Variants in PKHD1L1 observed in about 807,000 individuals in gnomAD.
PKHD1L1 encodes fibrocystin-L.
A neutral mutation model predicts 462.9 loss-of-function variants in PKHD1L1; 434 were observed. The observed-to-expected ratio is 0.94, with a 90% CI of 0.87 to 1.02. The LOEUF is 1.02. PKHD1L1 is among the 50% of genes least tolerant of loss of function. The pLI is 0.00. For synonymous variants in PKHD1L1, 1,781 were observed against 1,750.0 expected (o/e 1.02, Z -0.44); for missense variants, 5,202 against 5,096.1 (o/e 1.02, Z -0.63).
intron 9 of PKHD1L1, among the ~76,000 whole-genome samples, chr8:109,393,209 A>G (rs1012638864): frequency 1.9e-4 from 29 of 151,342 alleles, no homozygotes; most frequent in Non-Finnish European, 3.5e-4. Context: ...ATTTCCAGAG[A>G]CTCTTTAGTC....
In PKHD1L1 at chr8:109,491,920, G is replaced by A; in HGVS notation, c.10162G>A (p.Ala3388Thr). ...NANRVRGNLI[A>T]LSVWPGTYQN... ...CAACCGAGTCCGAGGGAATTTGATT[G>A]CACTTTCGGTTTGGCCAGGAACCTA... Residue 3388 changes from alanine to threonine, a missense_variant, in exon 62 of 78, where the codon GCA becomes ACA. By Grantham distance (58) the Ala-to-Thr change is moderately conservative. This residue lies in a region of PKHD1L1 where 4,497 missense variants were observed against 4,336.8 expected (regional missense o/e 1.04). Coordinates refer to ENST00000378402, the MANE Select transcript of PKHD1L1 (RefSeq NM_177531.6). The A allele has an allele frequency of 3.1e-6, 5 of 1,604,256 alleles. No homozygotes were observed. The highest frequency in any genetic ancestry group is 4.3e-6 in the Non-Finnish European group (5 of 1,173,046).
chr8:109,512,786 C>A (rs1473271972), intron 71 of PKHD1L1, among the ~76,000 whole-genome samples: 51 of 151,942 alleles, frequency 3.4e-4, no homozygotes, highest in South Asian at 1.5e-3. Flanking sequence ...TTACCTTGGG[C>A]AGTATGGCCA....
rs918647347 is a variant in PKHD1L1 at position 109,450,914 on chromosome 8, T to C, written c.6176-61T>C. On this transcript the variant is annotated intron_variant, in intron 40 of 77. Transcript: ENST00000378402. ...AGATGTTATTGAAAATGTTTGGAGG[T>C]TTTGGAAATGAATCAGGGCCCGATG... The C allele has an allele frequency of 8.1e-6, 12 of 1,474,636 alleles. No homozygotes were observed. In the African/African-American group the frequency reaches 1.7e-4, roughly 21 times the overall value. The allele number at this position is 1,474,636 out of a possible 1,614,324, so 91.3% of individuals were successfully genotyped here.
Position 109,406,492 on chromosome 8 carries a change from T to G in PKHD1L1, c.1813+14T>G. The G allele has an allele frequency of 1.9e-6, 3 of 1,581,954 alleles. No individual in the cohort carries two copies. Among genetic ancestry groups the G allele is most frequent in the Non-Finnish European group, 2.6e-6 (3 of 1,164,842 alleles). ...TATCAACTAGAGGTAAGCATGTACT[T>G]AATTTTGTACTTCTGTAGGAAACAA... On this transcript the variant is annotated intron_variant, in intron 17 of 77. Coordinates refer to ENST00000378402, the MANE Select transcript of PKHD1L1 (RefSeq NM_177531.6).
chr8:109,368,846 A>T (rs1811354358), intron 2 of PKHD1L1, among the ~76,000 whole-genome samples: 2 of 152,094 alleles, frequency 1.3e-5, no homozygotes, highest in South Asian at 4.1e-4. Context: ...AAAATACATC[A>T]ACATGTCAGG....
At chr8:109,384,425 C>T (rs1812328024) in intron 5 of PKHD1L1, among the ~76,000 whole-genome samples, 1 of 151,904 alleles carries the variant, frequency 6.6e-6, no homozygotes, top group Admixed American at 6.6e-5. Context: ...CACCTTTAGT[C>T]CCAGCTACTC....
At chr8:109,449,106 A>G (rs1471871548) in intron 39 of PKHD1L1, among the ~76,000 whole-genome samples, 1 of 152,170 alleles carries the variant, frequency 6.6e-6, no homozygotes, top group Non-Finnish European at 1.5e-5. Context: ...GTTCCTCGAA[A>G]TAGTTCAAAT....
intron 15 of PKHD1L1, 37 bp downstream of exon 15, chr8:109,404,750 A>AT: frequency 6.5e-7 from 1 of 1,538,730 alleles, no homozygotes; most frequent in Non-Finnish European, 8.8e-7. Flanking sequence ...CAGAAAGTAA[A>AT]TGTTCGAAGG....
At chr8:109,505,764 G>C (rs1380797876) in intron 68 of PKHD1L1, among the ~76,000 whole-genome samples, 3 of 151,354 alleles carry the variant, frequency 2.0e-5, no homozygotes, top group Admixed American at 6.6e-5. Context: ...AATTAGCTGG[G>C]TGTGGTGGTG....
intron 50 of PKHD1L1, among the ~76,000 whole-genome samples, chr8:109,468,495 T>G (rs1817560628): frequency 6.6e-6 from 1 of 152,214 alleles, no homozygotes; most frequent in Non-Finnish European, 1.5e-5. Flanking sequence ...TTGTAAATAG[T>G]AAGTACTCAG....
At chr8:109,442,719 A>G (rs1469737687) in intron 35 of PKHD1L1, among the ~76,000 whole-genome samples, 2 of 152,156 alleles carry the variant, frequency 1.3e-5, no homozygotes, top group Admixed American at 1.3e-4. Flanking sequence ...ATGGTTTTCT[A>G]GAAAATCAAT....
intron 67 of PKHD1L1, among the ~76,000 whole-genome samples, chr8:109,502,586 T>G (rs1819481710): frequency 6.6e-6 from 1 of 152,200 alleles, no homozygotes; most frequent in Non-Finnish European, 1.5e-5. Flanking sequence ...AACCATCTCT[T>G]AAGTTGTAAG....
At position 109,498,637 on chromosome 8, in the gene PKHD1L1, T is replaced by C; in HGVS notation, c.10712-18T>C. 6.2e-7 allele frequency: 1 copy of C among 1,613,080 alleles called. No individual in the cohort carries two copies. The highest frequency in any genetic ancestry group is 8.5e-7 in the Non-Finnish European group (1 of 1,179,102). ...GTGCATATTCAATTTTCATTAACTT[T>C]TTCTTTTTTGGTAAAAGGTGGGAGA... On this transcript the variant is annotated intron_variant, in intron 66 of 77. Transcript: ENST00000378402.
Position 109,438,995 on chromosome 8 carries a change from T to G in PKHD1L1, c.3859T>G (p.Trp1287Gly). 1 of 1,613,762 alleles carries G rather than the reference T, an allele frequency of 6.2e-7. No homozygotes were observed. The highest frequency in any genetic ancestry group is 1.3e-5 in the African/African-American group (1 of 75,050). The change falls in exon 32 of 78, where the codon TGG (tryptophan) becomes GGG (glycine). Residue 1287 changes from tryptophan (W) to glycine (G), a missense_variant. This residue lies in a region of PKHD1L1 where 4,497 missense variants were observed against 4,336.8 expected (regional missense o/e 1.04). Transcript: ENST00000378402. ...AGGAAAAACCTGCCAGATTCTTCACTGGAACTTCACAGATATTAGATGCCT... is the reference window on the plus strand; with the variant it reads ...AGGAAAAACCTGCCAGATTCTTCACGGGAACTTCACAGATATTAGATGCCT... Reference protein sequence around the residue: ...VGGKTCQILHWNFTDIRCLLP... With the variant: ...VGGKTCQILHGNFTDIRCLLP...
At chr8:109,373,855 G>A (rs201577950) in intron 2 of PKHD1L1, among the ~76,000 whole-genome samples, 2 of 152,098 alleles carry the variant, frequency 1.3e-5, no homozygotes, top group East Asian at 3.9e-4. Flanking sequence ...TTTGATTGCA[G>A]TGTGGTCTGA....
intron 23 of PKHD1L1, among the ~76,000 whole-genome samples, chr8:109,424,104 C>A (rs558933353): frequency 6.6e-6 from 1 of 152,006 alleles, no homozygotes; most frequent in South Asian, 2.1e-4. Context: ...TTCCTTGAAC[C>A]GCTCTTCTTT....
chr8:109,471,495 GAC>G (rs572068471), intron 50 of PKHD1L1, among the ~76,000 whole-genome samples: 2 of 152,224 alleles, frequency 1.3e-5, no homozygotes, highest in Admixed American at 1.3e-4. Context: ...TTTTTTCTAA[GAC>G]ATTTTTCATT....
At chr8:109,406,561 GA>G (rs1813548540) in intron 17 of PKHD1L1, 83 bp downstream of exon 17, 1 of 1,373,988 alleles carries the variant, frequency 7.3e-7, no homozygotes, top group Non-Finnish European at 9.6e-7. Context: ...AGATGACAGA[GA>G]AAAAGACTTG....
intron 23 of PKHD1L1, among the ~76,000 whole-genome samples, chr8:109,422,443 A>T (rs1248141401): frequency 6.6e-6 from 1 of 152,230 alleles, no homozygotes; most frequent in African/African-American, 2.4e-5. Flanking sequence ...CAAGAATGCT[A>T]CAAAAATGGA....
Sources: gnomAD v4.1 joint callset for allele counts (sites outside exome capture counted in the v4.1 genomes callset) on GRCh38, gnomAD v4.1.1 for gene constraint, gnomAD v4.1.1 regional missense constraint, MANE v1.5 for transcripts, NCBI Gene and HGNC (gene_info 2026-07-23, HGNC 2026-07-21) for gene names.